The following MYLK2 variants were observed in gnomAD, a reference collection of about 807,000 sequenced individuals.
MYLK2 encodes the protein myosin light chain kinase 2, skeletal/cardiac muscle.
MYLK2 carries 27 observed loss-of-function variants against 58.2 expected under a neutral mutation model. The ratio of observed to expected loss-of-function variants is 0.46; its 90% confidence interval spans 0.34 to 0.64. MYLK2 has a LOEUF of 0.64. Among genes scored for constraint, MYLK2 ranks in the 30% least tolerant of loss-of-function variants. The pLI, the probability that MYLK2 is intolerant of heterozygous loss-of-function variation, is 0.01. For missense variants in MYLK2, 676 were observed against 764.3 expected (o/e 0.88, Z 1.36); for synonymous variants, 310 against 296.7 (o/e 1.04, Z -0.46).
intron 10 of MYLK2, 22 bp from the exon 11 acceptor site, chr20:31,831,681 C>T: frequency 6.2e-7 from 1 of 1,613,646 alleles, no homozygotes; most frequent in Middle Eastern, 1.7e-4. Flanking sequence ...CCTCCCTGCC[C>T]CCTGCTATCC....
intron 4 of MYLK2, 101 bp downstream of exon 4, chr20:31,821,838 TGA>T: frequency 8.3e-7 from 1 of 1,207,372 alleles, no homozygotes; most frequent in Non-Finnish European, 1.2e-6. Flanking sequence ...TGAACTGCCC[TGA>T]GCCAAGCCTT....
chr20:31,823,849 C>T, intron 5 of MYLK2: 2 of 732,936 alleles, frequency 2.7e-6, no homozygotes, highest in Non-Finnish European at 3.3e-6. Flanking sequence ...GTCTCAGCTC[C>T]AGGCACCACA....
At chr20:31,832,527 C>G (rs2062312402) in intron 12 of MYLK2, among the ~76,000 whole-genome samples, 1 of 152,174 alleles carries the variant, frequency 6.6e-6, no homozygotes, top group African/African-American at 2.4e-5. Flanking sequence ...CAGTCTTGCT[C>G]TGTCACCCAG....
intron 4 of MYLK2, among the ~76,000 whole-genome samples, chr20:31,822,961 G>T (rs903182988): frequency 1.3e-5 from 2 of 152,198 alleles, no homozygotes; most frequent in Non-Finnish European, 2.9e-5. Context: ...CAGGGCGAGC[G>T]GTTCCCCACA....
At chr20:31,823,126 T>G (rs1319327328) in intron 4 of MYLK2, among the ~76,000 whole-genome samples, 2 of 152,250 alleles carry the variant, frequency 1.3e-5, no homozygotes, top group Non-Finnish European at 2.9e-5. Flanking sequence ...CCCCACTGCC[T>G]GGCATTCCGC....
intron 4 of MYLK2, among the ~76,000 whole-genome samples, chr20:31,822,623 G>A (rs1175524804): frequency 6.6e-6 from 1 of 152,070 alleles, no homozygotes; most frequent in Non-Finnish European, 1.5e-5. Context: ...GGGGTGAGAT[G>A]GGGTCAGGAG....
intron 2 of MYLK2, 52 bp downstream of exon 2, chr20:31,819,684 G>C: frequency 1.9e-6 from 3 of 1,547,188 alleles, no homozygotes; most frequent in Non-Finnish European, 2.6e-6. Flanking sequence ...GGGGGGTTTT[G>C]AATCCAGGAC....
At chr20:31,831,266 T>A in intron 10 of MYLK2, 125 bp downstream of exon 10, 1 of 1,438,662 alleles carries the variant, frequency 7.0e-7, no homozygotes, top group Non-Finnish European at 9.7e-7. Flanking sequence ...GTCAGGGGTT[T>A]GCTGGGGTTG....
intron 5 of MYLK2, 45 bp from the exon 6 acceptor site, chr20:31,824,214 G>C: frequency 6.3e-7 from 1 of 1,596,434 alleles, no homozygotes; most frequent in Non-Finnish European, 8.5e-7. Context: ...CACTGACCCC[G>C]GTGGGCTCTG....
At chr20:31,822,970 C>T (rs116317660) in intron 4 of MYLK2, among the ~76,000 whole-genome samples, 6 of 152,314 alleles carry the variant, frequency 3.9e-5, no homozygotes, top group African/African-American at 1.2e-4. Context: ...CGGTTCCCCA[C>T]ACTTGCCGCT....
intron 8 of MYLK2, among the ~76,000 whole-genome samples, chr20:31,830,074 G>C (rs575003644): frequency 2.4e-4 from 36 of 152,228 alleles, no homozygotes; most frequent in Non-Finnish European, 4.4e-4. Flanking sequence ...AGTCAGTCAT[G>C]CGTTCATTTC....
Position 31,834,123 on chromosome 20 carries a change from C to T in MYLK2, c.*326C>T. The stretch of plus-strand genomic sequence containing the variant: ...GCTCCTCGTCTTTGAACTGCCGCCG[C>T]CGTGGTGACCCCTGCTTTGCCCCAC... On this transcript the variant is annotated 3_prime_UTR_variant, in exon 13 of 13. Transcript: ENST00000375985. 1 of 390,268 alleles carries T rather than the reference C, an allele frequency of 2.6e-6. No homozygotes were observed. The highest frequency in any genetic ancestry group is 4.9e-6 in the Non-Finnish European group (1 of 206,066). 24.2% of individuals were successfully genotyped at this position (390,268 alleles called of 1,614,324 possible).
At chr20:31,828,490 G>C in intron 8 of MYLK2, 1 of 983,902 alleles carries the variant, frequency 1.0e-6, no homozygotes, top group Non-Finnish European at 1.2e-6. Flanking sequence ...GGAAGGCCCC[G>C]TGCTAGGCAT....
In MYLK2 at chr20:31,819,409, G is replaced by A. The variant is rs1218409603; in HGVS notation, c.-68G>A. On this transcript the variant is annotated 5_prime_UTR_variant, in exon 1 of 13. Transcript: ENST00000375985. ...CCGCTGGGAGACAGACGGCAACCAG[G>A]TTGCCCCTCTTTGCTCCAGGTACCT... 1 of 835,694 alleles carries A rather than the reference G, an allele frequency of 1.2e-6. No homozygotes were observed. The highest frequency in any genetic ancestry group is 1.7e-5 in the African/African-American group (1 of 59,334). The allele number at this position is 835,694 out of a possible 1,614,324, so 51.8% of individuals were successfully genotyped here.
intron 12 of MYLK2, among the ~76,000 whole-genome samples, chr20:31,832,770 C>T (rs2062313384): frequency 6.6e-6 from 1 of 152,148 alleles, no homozygotes. Context: ...GGATTACAGG[C>T]GTGAGCCACT....
In MYLK2 at chr20:31,819,602, G is replaced by A; in HGVS notation, c.22G>A (p.Val8Ile). 1 of 1,551,616 alleles carries A rather than the reference G, an allele frequency of 6.4e-7. No individual in the cohort carries two copies. Among genetic ancestry groups the A allele is most frequent in the Non-Finnish European group, 8.7e-7 (1 of 1,147,002 alleles). The change falls in exon 2 of 13, where the codon GTT (valine) becomes ATT (isoleucine). Residue 8 changes from valine to isoleucine, a missense_variant. Val to Ile is a conservative substitution (Grantham distance 29). Around this residue, in one of 2 missense-constraint regions of MYLK2, gnomAD observed 306 missense variants for 296.5 expected, o/e 1.03. Transcript: ENST00000375985. ...CCTCATGGCGACAGAAAATGGAGCA[G>A]TTGAGCTGGGAATTCAGAACCCATC... MATENGA[V>I]ELGIQNPSTD...
intron 4 of MYLK2, 31 bp downstream of exon 4, chr20:31,821,768 GCCC>G: frequency 6.4e-7 from 1 of 1,552,934 alleles, no homozygotes; most frequent in Non-Finnish European, 8.7e-7. Context: ...GGCTGGGGCT[GCCC>G]TGGGGCCAGG....
chr20:31,824,156 G>A, intron 5 of MYLK2, 103 bp from the exon 6 acceptor site: 1 of 1,543,328 alleles, frequency 6.5e-7, no homozygotes, highest in Non-Finnish European at 8.7e-7. Flanking sequence ...AGGGGATCCA[G>A]AGGCACCACT....
intron 12 of MYLK2, among the ~76,000 whole-genome samples, chr20:31,833,041 C>T (rs1041178018): frequency 7.5e-4 from 114 of 152,218 alleles, no homozygotes; most frequent in African/African-American, 2.6e-3. Context: ...CATATGCCAC[C>T]ACATCCAGTT....
Sources: allele counts gnomAD v4.1 joint callset (sites outside exome capture counted in the v4.1 genomes callset), GRCh38; gene constraint gnomAD v4.1.1; regional missense constraint gnomAD v4.1.1; transcripts MANE v1.5; gene names NCBI Gene and HGNC (gene_info 2026-07-23, HGNC 2026-07-21).